Variants in SEC61A1 observed in about 807,000 individuals in gnomAD.
The protein encoded by SEC61A1 is SEC61 translocon subunit alpha 1.
In SEC61A1, 15 loss-of-function variants were observed where a neutral mutation model predicts 55.2. The ratio of observed to expected loss-of-function variants is 0.27; its 90% CI spans 0.18 to 0.42. The LOEUF is 0.42. SEC61A1 is among the 10% of genes least tolerant of loss of function. The probability of loss-of-function intolerance (pLI) is 1.00; values close to 1 mark genes in which losing one functional copy is unlikely to be tolerated. For synonymous variants in SEC61A1, 247 were observed against 234.0 expected (o/e 1.06, Z -0.51); for missense variants, 284 against 602.6 (o/e 0.47, Z 5.53).
rs773668257 is a variant in SEC61A1, at chr3:128,060,672, T to A, written c.616+11T>A. On this transcript the variant is annotated intron_variant, in intron 7 of 11. Transcript: ENST00000243253. ...TCAACACTGGCCGAGGTAAGGGCCCTGTGCTCCCCTGGTGGCGACAGCTTT... is the reference window on the plus strand; with the variant it reads ...TCAACACTGGCCGAGGTAAGGGCCCAGTGCTCCCCTGGTGGCGACAGCTTT... The A allele has an allele frequency of 1.9e-6, 3 of 1,611,712 alleles. No homozygotes were observed. The highest frequency in any genetic ancestry group is 2.5e-6 in the Non-Finnish European group (3 of 1,179,032).
chr3:128,068,140 C>A, intron 11 of SEC61A1, 81 bp downstream of exon 11: 1 of 975,928 alleles, frequency 1.0e-6, no homozygotes, highest in Non-Finnish European at 1.6e-6. Context: ...CTGATAGGCC[C>A]TAGCACTTAC....
rs1942128378 is a variant in SEC61A1 at position 128,070,467 on chromosome 3, A to G, written c.*805A>G. 2 of 152,220 alleles carry G rather than the reference A, an allele frequency of 1.3e-5. No homozygotes were observed. The highest frequency in any genetic ancestry group is 4.8e-5 in the African/African-American group (2 of 41,438). The allele number at this position is 152,220 out of a possible 1,614,324, so 9.4% of individuals were successfully genotyped here. A position where few individuals can be genotyped will look rare whatever the true frequency, so the allele number is the denominator to read the frequency against. The stretch of plus-strand genomic sequence containing the variant: ...TCCGTTTGTCCAGATTCTGCCAGTC[A>G]TCACTGGACACGTCTCCTCGCAGCT... On this transcript the variant is annotated 3_prime_UTR_variant, in exon 12 of 12. Coordinates refer to ENST00000243253, the MANE Select transcript of SEC61A1 (RefSeq NM_013336.4).
At position 128,052,877 on chromosome 3, in the gene SEC61A1, C is replaced by T. The variant is rs1375121909; in HGVS notation, c.50C>T (p.Pro17Leu). The T allele has an allele frequency of 3.1e-6, 5 of 1,613,092 alleles. No individual in the cohort carries two copies. The change falls in exon 2 of 12, where the codon CCG becomes CTG. Residue 17 changes from proline (P) to leucine (L), a missense_variant. By Grantham distance (98) the Pro-to-Leu change is moderately conservative. Coordinates refer to ENST00000243253, the MANE Select transcript of SEC61A1 (RefSeq NM_013336.4). ...EVIKPFCVIL[P>L]EIQKPERKIQ... ...ATCAAGCCCTTCTGTGTCATCCTGC[C>T]GGAAATTCAGAAGCCAGAGAGGAAG...
Position 128,067,800 on chromosome 3 carries a change from G to A in SEC61A1, c.1168-183G>A, listed in dbSNP as rs1269380854. ...AGCAGTAGATCAGCTGTGGGTATGA[G>A]AATCTGAATCCACACTGTAAAGTTA... On this transcript the variant is annotated intron_variant, in intron 10 of 11. Transcript: ENST00000243253. The surrounding 1 kb of genome is among the most constrained non-coding windows in gnomAD (Gnocchi z 4.1). The A allele has an allele frequency of 1.5e-6, 1 of 675,106 alleles. No individual in the cohort carries two copies. The highest frequency in any genetic ancestry group is 2.6e-6 in the Non-Finnish European group (1 of 391,086). The allele number at this position is 675,106 out of a possible 1,614,324, so 41.8% of individuals were successfully genotyped here.
chr3:128,069,407 G>A (rs1942085521), intron 11 of SEC61A1, 69 bp from the exon 12 acceptor site: 1 of 1,468,678 alleles, frequency 6.8e-7, no homozygotes, highest in Non-Finnish European at 9.3e-7. Flanking sequence ...TCTCAGGTGA[G>A]CCTGTTGGCC....
intron 4 of SEC61A1, among the ~76,000 whole-genome samples, chr3:128,056,405 CGAACATTTCTTAT>C (rs1010523897): frequency 2.0e-5 from 3 of 152,044 alleles, no homozygotes; most frequent in Admixed American, 2.0e-4. Context: ...GATGAAGAGA[CGAACATTTCTTAT>C]CTCTAAAACC....
chr3:128,062,471 C>T (rs1172123847), intron 7 of SEC61A1, among the ~76,000 whole-genome samples: 1 of 152,204 alleles, frequency 6.6e-6, no homozygotes, highest in Non-Finnish European at 1.5e-5. Flanking sequence ...AAATTTGAAA[C>T]CGTGGGGAAA....
chr3:128,053,806 G>A (rs1237034826), intron 2 of SEC61A1, among the ~76,000 whole-genome samples: 4 of 152,192 alleles, frequency 2.6e-5, no homozygotes, highest in African/African-American at 4.8e-5. Flanking sequence ...ATGTGACCTT[G>A]GCCTTGTAAC....
At position 128,058,195 on chromosome 3, in the gene SEC61A1, AC is replaced by A. The variant is rs985146160; in HGVS notation, c.352+1356del. ...TATGGTGGATAATTGAATGAGAAAT[AC>A]GTCTATTTTTTTTTTTTTTTTTTTT... On this transcript the variant is annotated intron_variant, in intron 5 of 11. Transcript: ENST00000243253. 2.8e-5 allele frequency among the ~76,000 whole-genome samples: 4 copies of A among 144,890 alleles called. No homozygotes were observed. The South Asian group carries it at 6.5e-4, about 23-fold the overall frequency.
chr3:128,057,123 G>A (rs577821615), intron 5 of SEC61A1, among the ~76,000 whole-genome samples: 88 of 152,162 alleles, frequency 5.8e-4, no homozygotes, highest in Non-Finnish European at 9.0e-4. Context: ...TAGTGGAGAC[G>A]GGATTTCACT....
intron 2 of SEC61A1, 55 bp from the exon 3 acceptor site, chr3:128,055,461 A>G (rs1199642008): frequency 1.1e-5 from 15 of 1,371,578 alleles, no homozygotes; most frequent in African/African-American, 2.9e-5. Flanking sequence ...GTCCATTTTT[A>G]TTAATTTGCT....
chr3:128,052,196 C>G (rs1941687810), upstream of SEC61A1, among the ~76,000 whole-genome samples: 1 of 151,922 alleles, frequency 6.6e-6, no homozygotes, highest in African/African-American at 2.4e-5. Context: ...CGCGCGCTCT[C>G]GCGTTACCAA....
intron 2 of SEC61A1, among the ~76,000 whole-genome samples, chr3:128,054,053 A>C (rs1488404813): frequency 6.6e-6 from 1 of 152,256 alleles, no homozygotes; most frequent in Non-Finnish European, 1.5e-5. Flanking sequence ...TTGATAGAAC[A>C]TAATTGTAGG....
In SEC61A1 at chr3:128,067,397, T is replaced by A. The variant is rs376372279; in HGVS notation, c.976-24T>A. 20 of 1,598,978 alleles carry A rather than the reference T, an allele frequency of 1.3e-5. No homozygotes were observed. The African/African-American group carries it at 2.7e-4, about 22-fold the overall frequency. ...AAAGTAAAATGAAGGAGCACTCACA[T>A]GCGTTTGGTTTCTTCTTCCCCAGGA... On this transcript the variant is annotated intron_variant, in intron 9 of 11. Coordinates refer to ENST00000243253, the MANE Select transcript of SEC61A1 (RefSeq NM_013336.4). This position sits in a 1 kb window ranked among gnomAD's most constrained non-coding sequence, Gnocchi z 4.1.
In SEC61A1 at chr3:128,052,857, G is replaced by A. The variant is rs1941711012; in HGVS notation, c.30G>A (p.Lys10=). 1 of 1,613,646 alleles carries A rather than the reference G, an allele frequency of 6.2e-7. No individual in the cohort carries two copies. Among genetic ancestry groups the A allele is most frequent in the Non-Finnish European group, 8.5e-7 (1 of 1,179,846 alleles). Residue 10 remains lysine (K), a synonymous_variant, in exon 2 of 12, where the codon AAG becomes AAA. Transcript: ENST00000243253. The part of the protein sequence containing the change: MAIKFLEVI[K]PFCVILPEIQ... ...AAGTCAAATTTCTGGAAGTCATCAA[G>A]CCCTTCTGTGTCATCCTGCCGGAAA...
chr3:128,069,893 A>G lies in SEC61A1; in HGVS notation c.*231A>G. 6 of 535,386 alleles carry G rather than the reference A, an allele frequency of 1.1e-5. No individual in the cohort carries two copies. In the South Asian group the frequency reaches 1.3e-4, roughly 12 times the overall value. The allele number at this position is 535,386 out of a possible 1,614,324, so 33.2% of individuals were successfully genotyped here. ...GTGAAATTTTATTCAGCCGACTGCC[A>G]GAGAAGTGGGAATGGTATAGGATTG... On this transcript the variant is annotated 3_prime_UTR_variant, in exon 12 of 12. Transcript: ENST00000243253.
intron 7 of SEC61A1, 126 bp downstream of exon 7, chr3:128,060,787 G>A (rs1576421121): frequency 1.0e-6 from 1 of 987,138 alleles, no homozygotes; most frequent in East Asian, 2.7e-5. Flanking sequence ...TATCTCTTCT[G>A]GTGTTTGGGT....
chr3:128,055,894 T>G, intron 4 of SEC61A1, 143 bp downstream of exon 4: 1 of 681,172 alleles, frequency 1.5e-6, no homozygotes, highest in African/African-American at 1.8e-5. Context: ...CTGTGTTGAA[T>G]AGCCTTATTA....
At chr3:128,056,589 A>T in intron 4 of SEC61A1, 120 bp from the exon 5 acceptor site, 1 of 840,616 alleles carries the variant, frequency 1.2e-6, no homozygotes, top group Non-Finnish European at 1.7e-6. Context: ...ACAGCTAGGA[A>T]ACTGAAACAC....
Sources: gnomAD v4.1 joint callset for allele counts (sites outside exome capture counted in the v4.1 genomes callset) on GRCh38, gnomAD v4.1.1 for gene constraint, Gnocchi (gnomAD v3.1) non-coding constraint, MANE v1.5 for transcripts, NCBI Gene and HGNC (gene_info 2026-07-23, HGNC 2026-07-21) for gene names.